The following KRTCAP3 variants were observed in gnomAD, a reference collection of about 807,000 sequenced individuals.
KRTCAP3 encodes the protein keratinocyte associated protein 3, also known as keratinocyte-associated protein 3.
Under a neutral mutation model 20.5 loss-of-function variants are expected in KRTCAP3, and 18 were observed. The observed-to-expected ratio is 0.88, with a 90% CI of 0.61 to 1.31. The LOEUF is 1.31. Among genes scored for constraint, KRTCAP3 ranks in the 50% most tolerant of loss-of-function variants. The pLI, the probability that KRTCAP3 is intolerant of heterozygous loss-of-function variation, is 0.00. For synonymous variants in KRTCAP3, 167 were observed against 133.7 expected (o/e 1.25, Z -1.72); for missense variants, 347 against 310.4 (o/e 1.12, Z -0.89).
intron 3 of KRTCAP3, 39 bp from the exon 4 acceptor site, chr2:27,443,035 A>G (rs1664715407): frequency 6.3e-7 from 1 of 1,588,256 alleles, no homozygotes; most frequent in East Asian, 2.2e-5. Flanking sequence ...AGAGTTAGCC[A>G]GGCCCAGGCT....
chr2:27,442,698 C>T lies in KRTCAP3; in HGVS notation c.148C>T (p.Pro50Ser). ...HGTVLRHVAN[P>S]RGAVTPEYTV... The stretch of plus-strand genomic sequence containing the variant: ...CACCGTCCTGCGGCACGTGGCCAAT[C>T]CCCGCGGCGCTGTCACGCCGGAGTA... The change falls in exon 2 of 7, where the codon CCC (proline) becomes TCC (serine). Residue 50 changes from proline to serine, a missense_variant. Pro to Ser is a moderately conservative substitution (Grantham distance 74). Coordinates refer to ENST00000288873, the MANE Select transcript of KRTCAP3 (RefSeq NM_173853.4). 3 of 1,588,984 alleles carry T rather than the reference C, an allele frequency of 1.9e-6. No individual in the cohort carries two copies. The highest frequency in any genetic ancestry group is 1.7e-6 in the Non-Finnish European group (2 of 1,166,924).
At chr2:27,446,282 T>A (rs761504464), downstream of KRTCAP3, 2 of 1,614,244 alleles carry the variant, frequency 1.2e-6, no homozygotes, top group Non-Finnish European at 1.7e-6. Flanking sequence ...GCCTGCTTCA[T>A]AGAAGGCTTT....
chr2:27,444,432 C>A, downstream of KRTCAP3: 1 of 1,605,362 alleles, frequency 6.2e-7, no homozygotes, highest in Non-Finnish European at 8.5e-7. Context: ...GCTCTACCAA[C>A]TACTGAAAGG....
downstream of KRTCAP3, chr2:27,445,458 G>A (rs373198860): frequency 1.9e-6 from 3 of 1,607,454 alleles, no homozygotes; most frequent in African/African-American, 2.7e-5. The surrounding 1 kb of genome is among the most constrained non-coding windows in gnomAD (Gnocchi z 4.4). Context: ...TCCTGGAAAG[G>A]ACAAGAAGGG....
downstream of KRTCAP3, chr2:27,445,176 G>A: frequency 1.9e-6 from 3 of 1,596,748 alleles, no homozygotes; most frequent in South Asian, 2.2e-5. The surrounding 1 kb of genome is among the most constrained non-coding windows in gnomAD (Gnocchi z 4.4). Flanking sequence ...GGAGCAGCCT[G>A]GGGGGTAGAA....
At chr2:27,446,114 G>T, downstream of KRTCAP3, 1 of 1,386,450 alleles carries the variant, frequency 7.2e-7, no homozygotes, top group Non-Finnish European at 1.0e-6. Context: ...GATCCAGGGA[G>T]AAAAATCCAG....
downstream of KRTCAP3, chr2:27,444,481 A>C: frequency 6.2e-7 from 1 of 1,613,786 alleles, no homozygotes; most frequent in Non-Finnish European, 8.5e-7. Context: ...CCACTGACTG[A>C]TGAATTTCAG....
chr2:27,442,467 C>CTCCT, intron 1 of KRTCAP3, 27 bp downstream of exon 1: 1 of 1,563,136 alleles, frequency 6.4e-7, no homozygotes, highest in Non-Finnish European at 8.7e-7. Flanking sequence ...GGCGTCTCGT[C>CTCCT]TCCTTACCCT....
At chr2:27,444,817 T>G (rs1664896244), downstream of KRTCAP3, among the ~76,000 whole-genome samples, 1 of 152,072 alleles carries the variant, frequency 6.6e-6, no homozygotes, top group Non-Finnish European at 1.5e-5. Context: ...CCGGCTAACT[T>G]TTGTATTTTT....
At chr2:27,445,897 C>T (rs770189360), downstream of KRTCAP3, 30 of 1,614,090 alleles carry the variant, frequency 1.9e-5, no homozygotes, top group African/African-American at 2.7e-5. This position sits in a 1 kb window ranked among gnomAD's most constrained non-coding sequence, Gnocchi z 4.4. Context: ...TGGCAAAAAC[C>T]TCCACCCTCG....
At chr2:27,446,160 G>A (rs1665075329), downstream of KRTCAP3, 1 of 1,341,890 alleles carries the variant, frequency 7.5e-7, no homozygotes, top group Non-Finnish European at 1.1e-6. Context: ...CGTAACATCA[G>A]CCCTACACTC....
chr2:27,443,301 C>T (rs1664734966), intron 4 of KRTCAP3, 21 bp downstream of exon 4: 1 of 1,613,580 alleles, frequency 6.2e-7, no homozygotes, highest in African/African-American at 1.3e-5. Context: ...TCTCTTCCTT[C>T]TTGTGGTCTA....
Position 27,443,439 on chromosome 2 carries a change from T to C in KRTCAP3, c.522T>C (p.Ser174=), listed in dbSNP as rs139722862. ...LALWIPSLLM[S]AGEAALSGYC... is the part of the protein sequence containing the mutation. ...TCTGGATCCCTTCTTTGCTCATGTC[T>C]GCAGGGGAGGCTGCTCTATCTGGTT... Residue 174 remains serine, a synonymous_variant, in exon 5 of 7, where the codon TCT becomes TCC. Coordinates refer to ENST00000288873, the MANE Select transcript of KRTCAP3 (RefSeq NM_173853.4). 24 of 1,614,100 alleles carry C rather than the reference T, an allele frequency of 1.5e-5. No homozygotes were observed. In the African/African-American group the frequency reaches 2.7e-4, roughly 18 times the overall value.
chr2:27,445,183 A>G (rs564816832), downstream of KRTCAP3: 1 of 1,597,108 alleles, frequency 6.3e-7, no homozygotes, highest in Non-Finnish European at 8.5e-7. The surrounding 1 kb of genome is among the most constrained non-coding windows in gnomAD (Gnocchi z 4.4). Flanking sequence ...CCTGGGGGGT[A>G]GAAAGCACAG....
chr2:27,445,566 C>A, downstream of KRTCAP3: 1 of 1,335,168 alleles, frequency 7.5e-7, no homozygotes, highest in Non-Finnish European at 1.0e-6. This position sits in a 1 kb window ranked among gnomAD's most constrained non-coding sequence, Gnocchi z 4.4. Context: ...CTTTTAGCCA[C>A]GAATCCTCCT....
chr2:27,446,059 T>G, downstream of KRTCAP3: 2 of 1,576,338 alleles, frequency 1.3e-6, no homozygotes, highest in Non-Finnish European at 1.7e-6. Flanking sequence ...GGGATCCAGA[T>G]GCAAATGGGA....
intron 2 of KRTCAP3, 29 bp downstream of exon 2, chr2:27,442,792 G>A: frequency 6.2e-7 from 1 of 1,611,238 alleles, no homozygotes. Context: ...CCGGGCGGGG[G>A]CCGGGCTCCC....
chr2:27,446,375 A>C, downstream of KRTCAP3: 2 of 1,610,060 alleles, frequency 1.2e-6, no homozygotes, highest in Non-Finnish European at 1.7e-6. Context: ...AAGTCAAAGC[A>C]TTATGAATAT....
Position 27,442,416 on chromosome 2 carries a change from A to T in KRTCAP3, c.4A>T (p.Arg2Trp). The change falls in exon 1 of 7, where the codon AGG (arginine) becomes TGG (tryptophan). Residue 2 changes from arginine (R) to tryptophan (W), a missense_variant. Physicochemically the swap from Arg to Trp is moderately radical, Grantham distance 101. Coordinates refer to ENST00000288873, the MANE Select transcript of KRTCAP3 (RefSeq NM_173853.4). ...TGCGGCTGGCGCGGCGGACGGGATG[A>T]GGCGCTGCAGTCTCTGCGCTTTCGG... M[R>W]RCSLCAFDAA... 1 of 1,561,190 alleles carries T rather than the reference A, an allele frequency of 6.4e-7. No individual in the cohort carries two copies.
Sources: gnomAD v4.1 joint callset for allele counts (sites outside exome capture counted in the v4.1 genomes callset) on GRCh38, gnomAD v4.1.1 for gene constraint, Gnocchi (gnomAD v3.1) non-coding constraint, MANE v1.5 for transcripts, NCBI Gene and HGNC (gene_info 2026-07-23, HGNC 2026-07-21) for gene names.